Variants in IRAK2 observed in about 807,000 individuals in gnomAD.
IRAK2 encodes interleukin-1 receptor-associated kinase-like 2.
Under a neutral mutation model 72.0 loss-of-function variants are expected in IRAK2, and 57 were observed. The observed-to-expected ratio is 0.79, with a 90% CI of 0.64 to 0.99. IRAK2 has a LOEUF of 0.99. IRAK2 is among the 50% of genes least tolerant of loss of function. IRAK2 has a pLI of 0.00. For synonymous variants in IRAK2, 293 were observed against 312.7 expected (o/e 0.94, Z 0.67); for missense variants, 790 against 794.4 (o/e 0.99, Z 0.07).
At chr3:10,179,897 TAC>T (rs1696935846) in intron 2 of IRAK2, among the ~76,000 whole-genome samples, 1 of 152,230 alleles carries the variant, frequency 6.6e-6, no homozygotes, top group South Asian at 2.1e-4. Context: ...AGTGTCATGA[TAC>T]ACTTAGATGT....
intron 2 of IRAK2, among the ~76,000 whole-genome samples, chr3:10,184,370 T>C (rs1697009949): frequency 6.6e-6 from 1 of 152,240 alleles, no homozygotes; most frequent in African/African-American, 2.4e-5. Flanking sequence ...GCCACCCAGA[T>C]ATCTGTATAC....
Position 10,200,636 on chromosome 3 carries a change from T to C in IRAK2, c.424+121T>C, listed in dbSNP as rs1697344288. On this transcript the variant is annotated intron_variant, in intron 3 of 12. Coordinates refer to ENST00000256458, the MANE Select transcript of IRAK2 (RefSeq NM_001570.4). ...AATTGAGGCTGAGCATGGTGGCCCA[T>C]GCCTATAATCCCAGCTCCGTGAGGC... 26 of 807,102 alleles carry C rather than the reference T, an allele frequency of 3.2e-5. 1 individual carries two copies. The South Asian group carries it at 6.0e-4, about 19-fold the overall frequency. 50.0% of individuals were successfully genotyped at this position (807,102 alleles called of 1,614,324 possible). A position where few individuals can be genotyped will look rare whatever the true frequency, so the allele number is the denominator to read the frequency against.
At chr3:10,191,023 G>C (rs1030201090) in intron 2 of IRAK2, among the ~76,000 whole-genome samples, 28 of 152,080 alleles carry the variant, frequency 1.8e-4, no homozygotes, top group African/African-American at 6.3e-4. Flanking sequence ...GGCCGGGCGC[G>C]GTGGCTCAAG....
intron 5 of IRAK2, 33 bp from the exon 6 acceptor site, chr3:10,213,451 G>T: frequency 1.2e-6 from 2 of 1,612,486 alleles, no homozygotes; most frequent in Non-Finnish European, 1.7e-6. Context: ...GGGGTGGGGC[G>T]GGATCTTCAT....
At chr3:10,231,233 C>T (rs1461220019) in intron 10 of IRAK2, among the ~76,000 whole-genome samples, 2 of 152,114 alleles carry the variant, frequency 1.3e-5, no homozygotes, top group Admixed American at 6.5e-5. Flanking sequence ...GCAGGAGTTA[C>T]CTTTGGAGAG....
intron 2 of IRAK2, among the ~76,000 whole-genome samples, chr3:10,197,848 T>C (rs555244664): frequency 6.4e-4 from 90 of 139,840 alleles, no homozygotes; most frequent in African/African-American, 2.2e-3. Flanking sequence ...TGAGACTCCG[T>C]CTCAAAAAAA....
intron 1 of IRAK2, 24 bp downstream of exon 1, chr3:10,165,072 G>A: frequency 6.3e-7 from 1 of 1,588,136 alleles, no homozygotes; most frequent in Non-Finnish European, 8.6e-7. Flanking sequence ...GGGGAGGGGA[G>A]GGGACCAGGG....
chr3:10,183,719 CAAAA>C (rs764663296), intron 2 of IRAK2, among the ~76,000 whole-genome samples: 6 of 118,480 alleles, frequency 5.1e-5, no homozygotes, highest in African/African-American at 1.7e-4. Flanking sequence ...GACTCCGTCT[CAAAA>C]TAAATAAATA....
intron 2 of IRAK2, among the ~76,000 whole-genome samples, chr3:10,183,275 C>A (rs1696991971): frequency 6.6e-6 from 1 of 152,164 alleles, no homozygotes; most frequent in South Asian, 2.1e-4. Context: ...GGGCCATATC[C>A]CTGCACAGTC....
At chr3:10,239,176 A>G in intron 12 of IRAK2, 137 bp downstream of exon 12, 5 of 799,618 alleles carry the variant, frequency 6.3e-6, no homozygotes, top group African/African-American at 1.7e-5. Context: ...AGTTTTTCAC[A>G]GAGAAACCTG....
chr3:10,167,377 T>A (rs980189907), intron 1 of IRAK2, among the ~76,000 whole-genome samples: 1 of 152,180 alleles, frequency 6.6e-6, no homozygotes, highest in African/African-American at 2.4e-5. Context: ...TCAACTAACA[T>A]GAGGTTCATC....
chr3:10,196,411 G>C (rs192625619), intron 2 of IRAK2, among the ~76,000 whole-genome samples: 1 of 152,192 alleles, frequency 6.6e-6, no homozygotes, highest in Non-Finnish European at 1.5e-5. Context: ...CACTGTGCCC[G>C]GCCTAGGGAC....
At chr3:10,199,776 G>A (rs1697326170) in intron 2 of IRAK2, among the ~76,000 whole-genome samples, 2 of 152,100 alleles carry the variant, frequency 1.3e-5, no homozygotes, top group Admixed American at 1.3e-4. Flanking sequence ...CCGAGAGGAG[G>A]AAGGTGACTT....
chr3:10,210,701 ACACAGGGAGGCCC>A (rs1472847491), intron 4 of IRAK2, among the ~76,000 whole-genome samples: 1 of 152,108 alleles, frequency 6.6e-6, no homozygotes, highest in Non-Finnish European at 1.5e-5. Context: ...AGCCTAGGCA[ACACAGGGAGGCCC>A]CATCTCTAAA....
chr3:10,225,989 G>T (rs954831731), intron 9 of IRAK2, among the ~76,000 whole-genome samples: 1 of 152,072 alleles, frequency 6.6e-6, no homozygotes, highest in African/African-American at 2.4e-5. Context: ...ATGATCCACC[G>T]TGCCCAGCCA....
chr3:10,232,083 T>C (rs963379566), intron 10 of IRAK2, among the ~76,000 whole-genome samples: 41 of 152,144 alleles, frequency 2.7e-4, no homozygotes, highest in African/African-American at 8.7e-4. Flanking sequence ...GCCGAGATCG[T>C]GCCACTGCAC....
intron 7 of IRAK2, among the ~76,000 whole-genome samples, chr3:10,219,309 TTTTTTG>T (rs1218538729): frequency 1.5e-5 from 2 of 137,718 alleles, no homozygotes; most frequent in Non-Finnish European, 3.1e-5. Context: ...AGGACTTCGT[TTTTTTG>T]TTTTTGTTTT....
chr3:10,213,204 C>T lies in IRAK2; in HGVS notation c.529-3C>T. The T allele has an allele frequency of 6.2e-7, 1 of 1,613,580 alleles. No homozygotes were observed. The highest frequency in any genetic ancestry group is 1.7e-5 in the Admixed American group (1 of 59,986). On this transcript the variant is annotated splice_polypyrimidine_tract_variant and splice_region_variant and intron_variant, in intron 4 of 12. Transcript: ENST00000256458. ...TCTCCATCTCTTCTCTCTGGGTCTC[C>T]AGGACTTCAGCACCTCCATTCCTAA...
intron 6 of IRAK2, among the ~76,000 whole-genome samples, chr3:10,214,703 T>C (rs1395642826): frequency 2.6e-5 from 4 of 152,120 alleles, no homozygotes; most frequent in Non-Finnish European, 5.9e-5. Context: ...TCCTAGAACT[T>C]TGATGCTGAG....
Sources: allele counts gnomAD v4.1 joint callset (sites outside exome capture counted in the v4.1 genomes callset), GRCh38; gene constraint gnomAD v4.1.1; transcripts MANE v1.5; gene names NCBI Gene and HGNC (gene_info 2026-07-23, HGNC 2026-07-21).